Variants in ANKS3 observed in about 807,000 individuals in gnomAD.
The protein encoded by ANKS3 is ankyrin repeat and sterile alpha motif domain containing 3, also known as ankyrin repeat and SAM domain-containing protein 3.
ANKS3 carries 62 observed loss-of-function variants against 80.7 expected under a neutral mutation model. The observed-to-expected ratio is 0.77, with a 90% CI of 0.63 to 0.95. ANKS3 has a LOEUF of 0.95. Ranked by LOEUF, ANKS3 falls within the 40% of genes least tolerant of loss-of-function variation. The pLI is 0.00. For missense variants in ANKS3, 1,150 were observed against 883.6 expected, an observed-to-expected ratio of 1.30 and a Z score of -3.82; for synonymous variants, 489 against 355.3, an observed-to-expected ratio of 1.38 and a Z score of -4.23.
At chr16:4,730,380 A>C in intron 2 of ANKS3, 1 of 379,072 alleles carries the variant, frequency 2.6e-6, no homozygotes, top group Non-Finnish European at 4.7e-6. Flanking sequence ...AGAGGAGCAC[A>C]TATGGTGAGG....
rs1182025277 is a variant in ANKS3 at position 4,698,877 on chromosome 16, G to T, written c.1474C>A (p.Pro492Thr). Residue 492 changes from proline (P) to threonine (T), a missense_variant, in exon 13 of 18, where the codon CCC becomes ACC. By Grantham distance (38) the Pro-to-Thr change is conservative. Transcript: ENST00000304283. ...TAGGCCAGCTCCAGGGCATCCCCGGGTGGGCGGGCACTGCTGTGCCAGCGG... is the reference window on the plus strand; with the variant it reads ...TAGGCCAGCTCCAGGGCATCCCCGGTTGGGCGGGCACTGCTGTGCCAGCGG... ...IARWHSSARPPGDALELAYAD... is the reference protein window; with the variant it reads ...IARWHSSARPTGDALELAYAD... The T allele has an allele frequency of 6.2e-7, 1 of 1,601,592 alleles. No individual in the cohort carries two copies. Among genetic ancestry groups the T allele is most frequent in the South Asian group, 1.1e-5 (1 of 89,018 alleles).
chr16:4,720,873 G>GT (rs1238369351), intron 6 of ANKS3, among the ~76,000 whole-genome samples: 1 of 150,510 alleles, frequency 6.6e-6, no homozygotes, highest in African/African-American at 2.4e-5. Context: ...GGAGGCAGAG[G>GT]TTGCAATGAG....
At chr16:4,731,750 G>A (rs2081627350) in intron 1 of ANKS3, among the ~76,000 whole-genome samples, 171 bp from the exon 2 acceptor site, 1 of 152,172 alleles carries the variant, frequency 6.6e-6, no homozygotes, top group Admixed American at 6.5e-5. Context: ...ATCCACTTAG[G>A]CATCCTTTGA....
At chr16:4,722,184 A>G (rs1006709369) in intron 6 of ANKS3, among the ~76,000 whole-genome samples, 2 of 151,464 alleles carry the variant, frequency 1.3e-5, no homozygotes, top group Non-Finnish European at 3.0e-5. Context: ...AAGAGATACC[A>G]TGTGAATTTT....
In ANKS3 at chr16:4,714,082, G is replaced by A. The variant is rs747426552; in HGVS notation, c.678C>T (p.Pro226=). 3 of 1,614,084 alleles carry A rather than the reference G, an allele frequency of 1.9e-6. No homozygotes were observed. The highest frequency in any genetic ancestry group is 2.2e-5 in the East Asian group (1 of 44,896). Residue 226 remains proline (P), a synonymous_variant, in exon 7 of 18, where the codon CCC becomes CCT. Coordinates refer to ENST00000304283, the MANE Select transcript of ANKS3 (RefSeq NM_133450.4). ...TCCGATAGAGGCTCTTGGGCAGAGA[G>A]GGCGAGTAAGTGTCCATCAAGGCCA... The part of the protein sequence containing the change: ...KIVALMDTYS[P]SLPKSLYRSP...
intron 7 of ANKS3, among the ~76,000 whole-genome samples, chr16:4,707,721 G>C (rs2080272515): frequency 6.6e-6 from 1 of 152,136 alleles, no homozygotes; most frequent in Non-Finnish European, 1.5e-5. Flanking sequence ...TGAACTAAGA[G>C]TACATAATCC....
chr16:4,725,329 G>A lies in ANKS3; in HGVS notation c.492-498C>T, dbSNP rs1259813128. 2.0e-5 allele frequency among the ~76,000 whole-genome samples: 3 copies of A among 152,270 alleles called. No homozygotes were observed. In the East Asian group the frequency reaches 5.8e-4, roughly 29 times the overall value. On this transcript the variant is annotated intron_variant, in intron 5 of 17. Transcript: ENST00000304283. Reference sequence around the variant, plus strand: ...GCTAACTCGGCACTGTCTTCAGAGGGCTTCCAAATCCCTCCTTGTCTCATG... The same window carrying A: ...GCTAACTCGGCACTGTCTTCAGAGGACTTCCAAATCCCTCCTTGTCTCATG...
intron 6 of ANKS3, among the ~76,000 whole-genome samples, chr16:4,719,363 T>C (rs1263535033): frequency 1.3e-5 from 2 of 152,166 alleles, no homozygotes; most frequent in Non-Finnish European, 2.9e-5. Flanking sequence ...TCAAAAATTA[T>C]AAGAGTACAT....
chr16:4,699,327 G>A, intron 11 of ANKS3, 151 bp from the exon 12 acceptor site: 1 of 1,081,958 alleles, frequency 9.2e-7, no homozygotes, highest in Non-Finnish European at 1.3e-6. Flanking sequence ...CTACTCTGGT[G>A]GCTCAGGCAG....
chr16:4,724,788 C>A lies in ANKS3; in HGVS notation c.535G>T (p.Ala179Ser). 6.2e-7 allele frequency: 1 copy of A among 1,614,138 alleles called. No homozygotes were observed. Among genetic ancestry groups the A allele is most frequent in the Non-Finnish European group, 8.5e-7 (1 of 1,180,014 alleles). The change falls in exon 6 of 18, where the codon GCT becomes TCT. Residue 179 changes from alanine to serine, a missense_variant. Physicochemically the swap from Ala to Ser is moderately conservative, Grantham distance 99. Coordinates refer to ENST00000304283, the MANE Select transcript of ANKS3 (RefSeq NM_133450.4). ...GFTPLMEAAA[A>S]GHEIIVQYFL... ...TACTGCACGATTATCTCATGGCCAG[C>A]AGCAGCTGCTTCCATCAAGGGAGTA...
chr16:4,729,020 C>T (rs2081494466), intron 3 of ANKS3, among the ~76,000 whole-genome samples: 1 of 152,118 alleles, frequency 6.6e-6, no homozygotes, highest in Admixed American at 6.6e-5. Flanking sequence ...GAAGAGAGGT[C>T]GCTGCACCAC....
chr16:4,728,588 C>G (rs930556300), intron 3 of ANKS3, among the ~76,000 whole-genome samples: 1 of 152,116 alleles, frequency 6.6e-6, no homozygotes, highest in Non-Finnish European at 1.5e-5. Context: ...TCTTACCACT[C>G]CTCGTTCAGC....
chr16:4,704,962 TG>T, intron 8 of ANKS3, 132 bp downstream of exon 8: 3 of 1,190,274 alleles, frequency 2.5e-6, no homozygotes, highest in Non-Finnish European at 3.5e-6. Context: ...GCATGAAAGC[TG>T]GGCCACCTGT....
chr16:4,697,615 C>T (rs759160222), intron 15 of ANKS3, among the ~76,000 whole-genome samples, 199 bp from the exon 16 acceptor site: 5 of 152,208 alleles, frequency 3.3e-5, no homozygotes, highest in Non-Finnish European at 7.3e-5. Context: ...GCAAACACTA[C>T]GAGGCCCGGG....
chr16:4,707,281 CTTTTTTTT>C (rs112926809), intron 7 of ANKS3, among the ~76,000 whole-genome samples: 8 of 135,940 alleles, frequency 5.9e-5, no homozygotes, highest in Non-Finnish European at 9.4e-5. Context: ...CGGAAGGACA[CTTTTTTTT>C]TTTTTTTTTT....
At chr16:4,713,955 G>T in intron 7 of ANKS3, 96 bp downstream of exon 7, 1 of 1,506,118 alleles carries the variant, frequency 6.6e-7, no homozygotes, top group South Asian at 1.3e-5. Context: ...GAGAAGGTGG[G>T]AGCCGGGGAA....
chr16:4,727,494 C>T (rs2081413998), intron 3 of ANKS3: 1 of 419,590 alleles, frequency 2.4e-6, no homozygotes, highest in Non-Finnish European at 4.4e-6. Flanking sequence ...TGTGTGAAGG[C>T]ATTTTTGGTT....
chr16:4,704,587 C>G (rs1424270850), intron 8 of ANKS3, among the ~76,000 whole-genome samples: 1 of 152,184 alleles, frequency 6.6e-6, no homozygotes, highest in Non-Finnish European at 1.5e-5. Context: ...AACCCAAAGG[C>G]TAGGATTCTT....
At chr16:4,712,417 G>A (rs552939428) in intron 7 of ANKS3, among the ~76,000 whole-genome samples, 14 of 152,036 alleles carry the variant, frequency 9.2e-5, no homozygotes, top group African/African-American at 2.4e-4. Context: ...CTATAGACCA[G>A]TATCACTTAT....
Sources: allele counts gnomAD v4.1 joint callset (sites outside exome capture counted in the v4.1 genomes callset), GRCh38; gene constraint gnomAD v4.1.1; transcripts MANE v1.5; gene names NCBI Gene and HGNC (gene_info 2026-07-23, HGNC 2026-07-21).